The following CHD5 variants were observed in gnomAD, a reference collection of about 807,000 sequenced individuals.
CHD5 encodes chromodomain helicase DNA binding protein 5.
Under a neutral mutation model 230.3 loss-of-function variants are expected in CHD5, and 69 were observed. That is an observed-to-expected ratio of 0.30 (90% CI 0.25 to 0.37). The LOEUF is 0.37. Ranked by LOEUF, CHD5 falls within the 10% of genes least tolerant of loss-of-function variation. The pLI is 1.00. For synonymous variants in CHD5, 1,064 were observed against 1,065.9 expected, an observed-to-expected ratio of 1.00 and a Z score of 0.03; for missense variants, 1,827 against 2,622.8, an observed-to-expected ratio of 0.70 and a Z score of 6.63.
rs371772207 is a variant in CHD5 at position 6,168,102 on chromosome 1, C to T, written c.207+48G>A. On this transcript the variant is annotated intron_variant, in intron 2 of 41. Coordinates refer to ENST00000262450, the MANE Select transcript of CHD5 (RefSeq NM_015557.3). ...TCCTCTGCGGCCGGGCAGATGCAGCCACAACCCCACCCGCCCCAAGCTCGC... is the reference window on the plus strand; with the variant it reads ...TCCTCTGCGGCCGGGCAGATGCAGCTACAACCCCACCCGCCCCAAGCTCGC... 914 of 1,564,614 alleles carry T rather than the reference C, an allele frequency of 5.8e-4. 1 individual carries two copies. The highest frequency in any genetic ancestry group is 7.5e-4 in the Non-Finnish European group (865 of 1,147,928).
At position 6,121,621 on chromosome 1, in the gene CHD5, G is replaced by A. The variant is rs1666473004; in HGVS notation, c.4700-48C>T. ...TGAGACAGGTGGGCTCAGACGGGAA[G>A]GAGTAGGGCAGGGAGTGGGGTGGCA... On this transcript the variant is annotated intron_variant, in intron 31 of 41. Transcript: ENST00000262450. This position sits in a 1 kb window ranked among gnomAD's most constrained non-coding sequence, Gnocchi z 4.5. 1.5e-5 allele frequency: 21 copies of A among 1,447,294 alleles called. No homozygotes were observed. Among genetic ancestry groups the A allele is most frequent in the Non-Finnish European group, 2.0e-5 (21 of 1,040,258 alleles). The allele number at this position is 1,447,294 out of a possible 1,614,324, so 89.7% of individuals were successfully genotyped here.
In CHD5 at chr1:6,125,334, G is replaced by A; in HGVS notation, c.4261-101C>T. On this transcript the variant is annotated intron_variant, in intron 28 of 41. Coordinates refer to ENST00000262450, the MANE Select transcript of CHD5 (RefSeq NM_015557.3). The surrounding 1 kb of genome is among the most constrained non-coding windows in gnomAD (Gnocchi z 6.7). ...AAAAGCATGGGAGGAGGAGAAGGTAGGAAGGGGGCACAGAGAAGGCAGGGG... is the reference window on the plus strand; with the variant it reads ...AAAAGCATGGGAGGAGGAGAAGGTAAGAAGGGGGCACAGAGAAGGCAGGGG... The A allele has an allele frequency of 7.6e-7, 1 of 1,308,284 alleles. No individual in the cohort carries two copies. Among genetic ancestry groups the A allele is most frequent in the Non-Finnish European group, 1.0e-6 (1 of 957,928 alleles). The allele number at this position is 1,308,284 out of a possible 1,614,324, so 81.0% of individuals were successfully genotyped here.
rs762311628 is a variant in CHD5 at position 6,134,676 on chromosome 1, G to T, written c.3012+42C>A. On this transcript the variant is annotated intron_variant, in intron 19 of 41. Transcript: ENST00000262450. The surrounding 1 kb of genome is among the most constrained non-coding windows in gnomAD (Gnocchi z 6.3). Reference sequence around the variant, plus strand: ...CATGGCGGCCACAGGCACCTACCATGGCGGTCATGGAGAAGCTGCCATGAT... The same window carrying T: ...CATGGCGGCCACAGGCACCTACCATTGCGGTCATGGAGAAGCTGCCATGAT... 1 of 1,599,346 alleles carries T rather than the reference G, an allele frequency of 6.3e-7. No individual in the cohort carries two copies. The highest frequency in any genetic ancestry group is 8.5e-7 in the Non-Finnish European group (1 of 1,174,906).
At chr1:6,112,461 G>A (rs892551736) in intron 34 of CHD5, among the ~76,000 whole-genome samples, 184 bp from the exon 35 acceptor site, 17 of 152,160 alleles carry the variant, frequency 1.1e-4, no homozygotes, top group Admixed American at 3.3e-4. Flanking sequence ...GGGCAGGGAG[G>A]CTTAGCTCCA....
At chr1:6,119,804 T>C (rs1162730894) in intron 33 of CHD5, among the ~76,000 whole-genome samples, 1 of 148,972 alleles carries the variant, frequency 6.7e-6, no homozygotes, top group African/African-American at 2.5e-5. Flanking sequence ...CGTATGTACG[T>C]ACATATATAC....
At position 6,134,948 on chromosome 1, in the gene CHD5, G is replaced by A. The variant is rs573228643; in HGVS notation, c.2871-89C>T. On this transcript the variant is annotated intron_variant, in intron 18 of 41. Coordinates refer to ENST00000262450, the MANE Select transcript of CHD5 (RefSeq NM_015557.3). The surrounding 1 kb of genome is among the most constrained non-coding windows in gnomAD (Gnocchi z 6.3). ...TCTGCAGTGGGGCTGGAAGCTGGTG[G>A]CCAAGCACCCATTTACAGAGAGACC... The A allele has an allele frequency of 1.4e-4, 214 of 1,539,032 alleles. No individual in the cohort carries two copies. In the East Asian group the frequency reaches 4.8e-3, roughly 34 times the overall value.
chr1:6,112,816 G>A (rs1666314650), intron 34 of CHD5, 93 bp downstream of exon 34: 2 of 941,010 alleles, frequency 2.1e-6, no homozygotes, highest in Non-Finnish European at 3.3e-6. Context: ...CAAGGGGACG[G>A]CGCCTGGGAG....
In CHD5 at chr1:6,151,135, C is replaced by T; in HGVS notation, c.891G>A (p.Glu297=). The part of the protein sequence containing the change: ...KGSSSEEDER[E]ESDFDSASIH... ...TGCTGGCGCTGTCGAAGTCCGACTC[C>T]TCCCTCTCATCTTCTTCACTCTGCA... Residue 297 remains glutamate, a synonymous_variant, in exon 7 of 42, where the codon GAG becomes GAA. Transcript: ENST00000262450. 6.2e-7 allele frequency: 1 copy of T among 1,608,490 alleles called. No individual in the cohort carries two copies. The highest frequency in any genetic ancestry group is 8.5e-7 in the Non-Finnish European group (1 of 1,177,138).
chr1:6,165,827 C>T (rs1421078980), intron 2 of CHD5, among the ~76,000 whole-genome samples: 5 of 152,056 alleles, frequency 3.3e-5, no homozygotes, highest in South Asian at 4.1e-4. Flanking sequence ...CCTCCAGGCA[C>T]GCACTCCCCG....
At position 6,121,157 on chromosome 1, in the gene CHD5, C is replaced by G; in HGVS notation, c.4860G>C (p.Glu1620Asp). The G allele has an allele frequency of 6.2e-7, 1 of 1,614,022 alleles. No homozygotes were observed. Among genetic ancestry groups the G allele is most frequent in the Non-Finnish European group, 8.5e-7 (1 of 1,179,958 alleles). Residue 1620 changes from glutamate (E) to aspartate (D), a missense_variant, in exon 33 of 42, where the codon GAG becomes GAC. Physicochemically the swap from Glu to Asp is conservative, Grantham distance 45 (BLOSUM62 2). Around this residue, in one of 14 missense-constraint regions of CHD5, gnomAD observed 272 missense variants for 263.2 expected, o/e 1.03. Coordinates refer to ENST00000262450, the MANE Select transcript of CHD5 (RefSeq NM_015557.3). This position sits in a 1 kb window ranked among gnomAD's most constrained non-coding sequence, Gnocchi z 4.5. ...SPASKERARE[E>D]RPEETEKAPP... ...GGGCCTTCTCCGTCTCCTCTGGCCG[C>G]TCCTCTCGGGCTCTCTCCTTGCTGG...
chr1:6,175,170 T>G (rs1047686038), intron 1 of CHD5, among the ~76,000 whole-genome samples: 5 of 143,084 alleles, frequency 3.5e-5, no homozygotes, highest in African/African-American at 1.1e-4. Context: ...GGTGGGCGGA[T>G]GGTGGGTGGA....
Position 6,146,933 on chromosome 1 carries a change from C to T in CHD5, c.1384-62G>A, listed in dbSNP as rs1208972187. On this transcript the variant is annotated intron_variant, in intron 9 of 41. Transcript: ENST00000262450. The surrounding 1 kb of genome is among the most constrained non-coding windows in gnomAD (Gnocchi z 5.1). ...CTGCAGGGCCCCACCCTGAGGCTCCCATGACAGCAGGCTGCCATGCAGGCT... is the reference window on the plus strand; with the variant it reads ...CTGCAGGGCCCCACCCTGAGGCTCCTATGACAGCAGGCTGCCATGCAGGCT... The T allele has an allele frequency of 3.8e-6, 5 of 1,303,104 alleles. No individual in the cohort carries two copies. Among genetic ancestry groups the T allele is most frequent in the African/African-American group, 3.0e-5 (2 of 66,780 alleles). 80.7% of individuals were successfully genotyped at this position (1,303,104 alleles called of 1,614,324 possible).
intron 2 of CHD5, among the ~76,000 whole-genome samples, chr1:6,161,220 A>C (rs1264725132): frequency 1.3e-5 from 2 of 152,066 alleles, no homozygotes; most frequent in South Asian, 2.1e-4. Flanking sequence ...GGAGGCCCCC[A>C]GCCCAACTCT....
rs191477080 is a variant in CHD5, at chr1:6,113,027, G to C, written c.4913-29C>G. 2.0e-4 allele frequency: 308 copies of C among 1,503,344 alleles called. 3 individuals are homozygous for C. In the East Asian group the frequency reaches 4.2e-3, roughly 21 times the overall value. The allele number at this position is 1,503,344 out of a possible 1,614,324, so 93.1% of individuals were successfully genotyped here. On this transcript the variant is annotated intron_variant, in intron 33 of 41. Transcript: ENST00000262450. ...CAAGAAAAAGAGGGTTCGCGGCATG[G>C]GGTGGGGTCCCAGAAAACACAGAGG... is the stretch of plus-strand genomic sequence containing the variant.
At position 6,155,790 on chromosome 1, in the gene CHD5, G is replaced by T; in HGVS notation, c.388-73C>A. The T allele has an allele frequency of 8.4e-7, 1 of 1,186,838 alleles. No homozygotes were observed. 73.5% of individuals were successfully genotyped at this position (1,186,838 alleles called of 1,614,324 possible). A position where few individuals can be genotyped will look rare whatever the true frequency, so the allele number is the denominator to read the frequency against. On this transcript the variant is annotated intron_variant, in intron 3 of 41. Transcript: ENST00000262450. This position sits in a 1 kb window ranked among gnomAD's most constrained non-coding sequence, Gnocchi z 4.0. ...CTGCACCCCCATCCCCAGGGTCTCT[G>T]CCTAGGAGGCTTTGGCACAGGGGAA...
Position 6,106,646 on chromosome 1 carries a change from G to A in CHD5, c.5712C>T (p.Thr1904=), listed in dbSNP as rs1571134305. The change falls in exon 39 of 42, where the codon ACC becomes ACT. Residue 1904 remains threonine, a synonymous_variant. Transcript: ENST00000262450. ...MSERSILSRL[T]NRAGDPTIQQ... The stretch of plus-strand genomic sequence containing the variant: ...GGATGGTGGGGTCCCCGGCGCGGTT[G>A]GTCAGGCGGCTCAGGATGCTGCGCT... The A allele has an allele frequency of 6.2e-7, 1 of 1,601,474 alleles. No individual in the cohort carries two copies. The highest frequency in any genetic ancestry group is 8.5e-7 in the Non-Finnish European group (1 of 1,174,484).
At position 6,134,787 on chromosome 1, in the gene CHD5, C is replaced by T. The variant is rs1443571810; in HGVS notation, c.2943G>A (p.Ser981=). Residue 981 remains serine, a synonymous_variant, in exon 19 of 42, where the codon TCG becomes TCA. Coordinates refer to ENST00000262450, the MANE Select transcript of CHD5 (RefSeq NM_015557.3). The surrounding 1 kb of genome is among the most constrained non-coding windows in gnomAD (Gnocchi z 6.3). ...TCAGGTCCATCATGATGTTGAGCAG[C>T]GATACTTGGTTCCCGCCCCCCTTGG... is the stretch of plus-strand genomic sequence containing the variant. ...LNSKGGGNQV[S]LLNIMMDLKK... The T allele has an allele frequency of 7.4e-6, 12 of 1,613,930 alleles. No homozygotes were observed. The highest frequency in any genetic ancestry group is 2.2e-5 in the East Asian group (1 of 44,884).
Position 6,180,151 on chromosome 1 carries a change from G to T in CHD5, c.-128C>A. On this transcript the variant is annotated 5_prime_UTR_variant, in exon 1 of 42. Coordinates refer to ENST00000262450, the MANE Select transcript of CHD5 (RefSeq NM_015557.3). ...CGGCCTCGGCGAGAAGATGGCGGCC[G>T]CCTGCCCCCCCACCCCCCCAAACCT... 1 of 213,982 alleles carries T rather than the reference G, an allele frequency of 4.7e-6. No homozygotes were observed. The highest frequency in any genetic ancestry group is 8.5e-6 in the Non-Finnish European group (1 of 117,206). The allele number at this position is 213,982 out of a possible 1,614,324, so 13.3% of individuals were successfully genotyped here. A position where few individuals can be genotyped will look rare whatever the true frequency, so the allele number is the denominator to read the frequency against.
chr1:6,170,676 A>T (rs113319964), intron 1 of CHD5, among the ~76,000 whole-genome samples: 294 of 152,308 alleles, frequency 1.9e-3, no homozygotes, highest in African/African-American at 3.7e-3. Flanking sequence ...AGGTGGGTTT[A>T]TGTGGGTGAG....
Sources: allele counts gnomAD v4.1 joint callset (sites outside exome capture counted in the v4.1 genomes callset), GRCh38; gene constraint gnomAD v4.1.1; regional missense constraint gnomAD v4.1.1; non-coding constraint Gnocchi (gnomAD v3.1); transcripts MANE v1.5; gene names NCBI Gene and HGNC (gene_info 2026-07-23, HGNC 2026-07-21).